The following RAB3GAP1 variants were observed in gnomAD, a reference collection of about 807,000 sequenced individuals.
RAB3GAP1 encodes the protein rab3 GTPase-activating protein catalytic subunit.
RAB3GAP1 carries 86 observed loss-of-function variants against 130.7 expected under a neutral mutation model. The observed-to-expected ratio is 0.66, with a 90% CI of 0.55 to 0.79. RAB3GAP1 has a LOEUF of 0.79. Ranked by LOEUF, RAB3GAP1 falls within the 30% of genes least tolerant of loss-of-function variation. RAB3GAP1 has a pLI of 0.00. For synonymous variants in RAB3GAP1, 367 were observed against 401.7 expected (o/e 0.91, Z 1.03); for missense variants, 1,029 against 1,169.4 (o/e 0.88, Z 1.75).
chr2:135,105,965 C>G (rs1013117265), intron 5 of RAB3GAP1, among the ~76,000 whole-genome samples: 10 of 151,664 alleles, frequency 6.6e-5, no homozygotes, highest in Non-Finnish European at 1.0e-4. Context: ...GCAGCCGCCC[C>G]GTCTGAGAAG....
At chr2:135,167,668 G>T (rs780174980) in intron 23 of RAB3GAP1, 3 of 1,478,990 alleles carry the variant, frequency 2.0e-6, no homozygotes, top group Non-Finnish European at 2.7e-6. Flanking sequence ...TTTCATCACT[G>T]TTTCTTTTCT....
chr2:135,120,804 G>T lies in RAB3GAP1; in HGVS notation c.649-15G>T. On this transcript the variant is annotated splice_polypyrimidine_tract_variant and intron_variant, in intron 7 of 23. Coordinates refer to ENST00000264158, the MANE Select transcript of RAB3GAP1 (RefSeq NM_012233.3). ...CCAGCATTTACACGGTATTGTCTTT[G>T]CATGTATTTCCTAGGGATGTCCTTT... 1 of 1,531,104 alleles carries T rather than the reference G, an allele frequency of 6.5e-7. No homozygotes were observed. The allele number at this position is 1,531,104 out of a possible 1,614,324, so 94.8% of individuals were successfully genotyped here.
intron 23 of RAB3GAP1, chr2:135,165,030 A>G (rs953897922): frequency 9.7e-6 from 4 of 410,906 alleles, no homozygotes; most frequent in African/African-American, 2.1e-5. Flanking sequence ...GGTACTTTCA[A>G]ATGAGAATGG....
rs375071631 is a variant in RAB3GAP1, at chr2:135,074,363, G to A, written c.150+16277G>A. 2.2e-4 allele frequency among the ~76,000 whole-genome samples: 33 copies of A among 152,344 alleles called. No individual in the cohort carries two copies. In the South Asian group the frequency reaches 5.8e-3, roughly 27 times the overall value. On this transcript the variant is annotated intron_variant, in intron 3 of 23. Coordinates refer to ENST00000264158, the MANE Select transcript of RAB3GAP1 (RefSeq NM_012233.3). ...AGAGCCTTCCTCCCTTCTGGGCAAG[G>A]TGGCCAAACCTGTTCAGTCCCTAGC...
intron 5 of RAB3GAP1, among the ~76,000 whole-genome samples, chr2:135,099,427 A>G (rs1690389976): frequency 7.1e-6 from 1 of 140,940 alleles, no homozygotes; most frequent in Non-Finnish European, 1.5e-5. Flanking sequence ...TGCAATTTGT[A>G]TTTCTGTGTG....
intron 17 of RAB3GAP1, among the ~76,000 whole-genome samples, chr2:135,139,344 C>T (rs1691771715): frequency 1.3e-5 from 2 of 151,858 alleles, no homozygotes; most frequent in Admixed American, 1.3e-4. Flanking sequence ...AGTTCAAGAC[C>T]AGCCTGAGGA....
rs192563207 is a variant in RAB3GAP1, at chr2:135,168,253, C to T, written c.2710-292C>T. 7.9e-5 allele frequency among the ~76,000 whole-genome samples: 12 copies of T among 152,302 alleles called. No individual in the cohort carries two copies. In the East Asian group the frequency reaches 2.1e-3, roughly 27 times the overall value. ...AGAAACATAGAAAGCAGCACAGCTCCGAGGTCCTTTTTCATCAGATGTGTA... is the reference window on the plus strand; with the variant it reads ...AGAAACATAGAAAGCAGCACAGCTCTGAGGTCCTTTTTCATCAGATGTGTA... On this transcript the variant is annotated intron_variant, in intron 23 of 23. Coordinates refer to ENST00000264158, the MANE Select transcript of RAB3GAP1 (RefSeq NM_012233.3).
chr2:135,063,564 C>T (rs1689237657), intron 3 of RAB3GAP1, among the ~76,000 whole-genome samples: 2 of 152,084 alleles, frequency 1.3e-5, no homozygotes, highest in African/African-American at 4.8e-5. Flanking sequence ...TGGAATCATA[C>T]AGTATTTGTT....
intron 3 of RAB3GAP1, among the ~76,000 whole-genome samples, chr2:135,081,326 AAATATATATATATATATATAT>A (rs1451866899): frequency 5.7e-5 from 5 of 87,470 alleles, no homozygotes; most frequent in Non-Finnish European, 5.5e-5. Flanking sequence ...AAAAAAAAAA[AAATATATATATATATATATAT>A]ATATATATAT....
chr2:135,132,977 A>T lies in RAB3GAP1; in HGVS notation c.1319A>T (p.Glu440Val). 6.5e-7 allele frequency: 1 copy of T among 1,531,836 alleles called. No individual in the cohort carries two copies. Among genetic ancestry groups the T allele is most frequent in the Non-Finnish European group, 9.0e-7 (1 of 1,105,808 alleles). 94.9% of individuals were successfully genotyped at this position (1,531,836 alleles called of 1,614,324 possible). ...TDNNNPPSES[E>V]DYNLYNQFKS... ...AATAATAATCCTCCATCAGAGAGTG[A>T]AGACTATGTAAGTTGATGTGGAGTT... Residue 440 changes from glutamate to valine, a missense_variant, in exon 14 of 24, where the codon GAA becomes GTA. Glu to Val is a moderately radical substitution (Grantham distance 121, BLOSUM62 -2). Coordinates refer to ENST00000264158, the MANE Select transcript of RAB3GAP1 (RefSeq NM_012233.3).
At chr2:135,069,517 A>G (rs1223659184) in intron 3 of RAB3GAP1, among the ~76,000 whole-genome samples, 1 of 151,908 alleles carries the variant, frequency 6.6e-6, no homozygotes, top group Non-Finnish European at 1.5e-5. Flanking sequence ...TGGATGAGTC[A>G]TTTTCTAAAA....
intron 13 of RAB3GAP1, among the ~76,000 whole-genome samples, chr2:135,131,365 A>G (rs1002738951): frequency 6.6e-6 from 1 of 152,078 alleles, no homozygotes; most frequent in Non-Finnish European, 1.5e-5. Context: ...AGCTGGGACT[A>G]CAGTCACGTG....
chr2:135,061,198 A>G (rs914590642), intron 3 of RAB3GAP1, among the ~76,000 whole-genome samples: 3 of 152,050 alleles, frequency 2.0e-5, no homozygotes, highest in African/African-American at 4.8e-5. Flanking sequence ...ATGAATATAC[A>G]TGGTTTCTTT....
In RAB3GAP1 at chr2:135,064,754, TG is replaced by T. The variant is rs1208633360; in HGVS notation, c.150+6669del. ...GTTTTGTTTTTTTCCTGAGGTGTTT[TG>T]TTTTTTTTTTTTTTTGATATGTGTA... On this transcript the variant is annotated intron_variant, in intron 3 of 23. Coordinates refer to ENST00000264158, the MANE Select transcript of RAB3GAP1 (RefSeq NM_012233.3). Among the ~76,000 whole-genome samples, 111 of 146,506 alleles carry T rather than the reference TG, an allele frequency of 7.6e-4. 2 individuals are homozygous for T. The highest frequency in any genetic ancestry group is 2.5e-3 in the African/African-American group (101 of 39,714).
At chr2:135,099,960 A>G (rs71417553) in intron 5 of RAB3GAP1, among the ~76,000 whole-genome samples, 8 of 152,150 alleles carry the variant, frequency 5.3e-5, no homozygotes, top group Non-Finnish European at 7.4e-5. Flanking sequence ...TCCAAGTCCC[A>G]GGGCCTCGTA....
At chr2:135,092,080 A>C (rs1375692773) in intron 4 of RAB3GAP1, among the ~76,000 whole-genome samples, 1 of 152,228 alleles carries the variant, frequency 6.6e-6, no homozygotes, top group Non-Finnish European at 1.5e-5. Context: ...ACAATTAGAT[A>C]ACATATGCAT....
At chr2:135,099,965 C>T (rs776837308) in intron 5 of RAB3GAP1, among the ~76,000 whole-genome samples, 2 of 152,016 alleles carry the variant, frequency 1.3e-5, no homozygotes, top group Non-Finnish European at 2.9e-5. Context: ...GTCCCAGGGC[C>T]TCGTAAGCAG....
At chr2:135,067,087 AAACT>A (rs1689343230) in intron 3 of RAB3GAP1, among the ~76,000 whole-genome samples, 1 of 152,250 alleles carries the variant, frequency 6.6e-6, no homozygotes, top group Non-Finnish European at 1.5e-5. Context: ...GAAACTTCCC[AAACT>A]AAGTTATAAC....
intron 15 of RAB3GAP1, 61 bp from the exon 16 acceptor site, chr2:135,135,204 A>C: frequency 1.5e-6 from 2 of 1,328,054 alleles, no homozygotes; most frequent in Middle Eastern, 2.2e-4. Context: ...ATAGAAAATA[A>C]TCATATCTGA....
Sources: gnomAD v4.1 joint callset for allele counts (sites outside exome capture counted in the v4.1 genomes callset) on GRCh38, gnomAD v4.1.1 for gene constraint, MANE v1.5 for transcripts, NCBI Gene and HGNC (gene_info 2026-07-23, HGNC 2026-07-21) for gene names.